SLIT3: variants seen among roughly 807,000 people sequenced by gnomAD.
The protein encoded by SLIT3 is slit guidance ligand 3, also known as slit homolog 3 protein.
In SLIT3, 68 loss-of-function variants were observed where a neutral mutation model predicts 184.0. That is an observed-to-expected ratio of 0.37 (90% CI 0.30 to 0.45). SLIT3 has a LOEUF of 0.45. Ranked by LOEUF, SLIT3 falls within the 20% of genes least tolerant of loss-of-function variation. The pLI is 1.00. For missense variants in SLIT3, 1,707 were observed against 2,026.0 expected (o/e 0.84, Z 3.02); for synonymous variants, 831 against 828.6 (o/e 1.00, Z -0.05).
intron 4 of SLIT3, among the ~76,000 whole-genome samples, chr5:169,142,981 G>T (rs1473310963): frequency 6.6e-6 from 1 of 152,194 alleles, no homozygotes; most frequent in Non-Finnish European, 1.5e-5. Flanking sequence ...TATGTGAAGG[G>T]AGCCCATCTG....
At chr5:168,948,307 C>CG (rs1762551207) in intron 4 of SLIT3, among the ~76,000 whole-genome samples, 1 of 152,092 alleles carries the variant, frequency 6.6e-6, no homozygotes, top group Non-Finnish European at 1.5e-5. Context: ...CCACAGCAAA[C>CG]GGGGGCTGTG....
intron 9 of SLIT3, 119 bp from the exon 10 acceptor site, chr5:168,795,697 G>C: frequency 1.3e-6 from 1 of 792,270 alleles, no homozygotes; most frequent in Non-Finnish European, 2.2e-6. Flanking sequence ...CAGGTGCACG[G>C]TCTGGTTGTG....
intron 23 of SLIT3, among the ~76,000 whole-genome samples, chr5:168,715,851 T>C (rs1384188326): frequency 6.6e-6 from 1 of 151,760 alleles, no homozygotes; most frequent in Non-Finnish European, 1.5e-5. Flanking sequence ...TTTGTATTTT[T>C]ATTAGAAATG....
chr5:168,745,099 T>A (rs1763759090), intron 20 of SLIT3, among the ~76,000 whole-genome samples: 1 of 152,182 alleles, frequency 6.6e-6, no homozygotes, highest in South Asian at 2.1e-4. Flanking sequence ...TTGGAAGAAG[T>A]TGACTCCAAC....
At chr5:169,227,826 T>A (rs1764865217) in intron 3 of SLIT3, among the ~76,000 whole-genome samples, 2 of 152,252 alleles carry the variant, frequency 1.3e-5, no homozygotes, top group African/African-American at 4.8e-5. Context: ...GGCACTTGCC[T>A]AAATCTGCAC....
chr5:168,744,888 ATCAAGGAGTAATT>A (rs1293078402), intron 20 of SLIT3, among the ~76,000 whole-genome samples: 1 of 152,186 alleles, frequency 6.6e-6, no homozygotes, highest in Non-Finnish European at 1.5e-5. Context: ...CAGCCCATGG[ATCAAGGAGTAATT>A]TCAACTTTCA....
chr5:168,669,482 C>A lies in SLIT3; in HGVS notation c.4336+301G>T, dbSNP rs555707482. Among the ~76,000 whole-genome samples, 10 of 152,296 alleles carry A rather than the reference C, an allele frequency of 6.6e-5. No homozygotes were observed. The East Asian group carries it at 1.9e-3, about 29-fold the overall frequency. ...TGTGTAGAATGCAACCCTGAGAGAT[C>A]CCAGCTACGCTCTTTCTGAATTCCC... On this transcript the variant is annotated intron_variant, in intron 35 of 35. Transcript: ENST00000519560.
intron 5 of SLIT3, among the ~76,000 whole-genome samples, chr5:168,879,915 C>T (rs1759885912): frequency 1.3e-5 from 2 of 152,298 alleles, no homozygotes; most frequent in African/African-American, 4.8e-5. Context: ...GCTGTTTCCC[C>T]CAGAACTAGC....
At chr5:169,159,484 G>T (rs1762405119) in intron 4 of SLIT3, among the ~76,000 whole-genome samples, 1 of 150,766 alleles carries the variant, frequency 6.6e-6, no homozygotes, top group African/African-American at 2.4e-5. Flanking sequence ...TTTTTAAAAA[G>T]CATGACCCAG....
chr5:169,010,826 C>T (rs868723503), intron 4 of SLIT3, among the ~76,000 whole-genome samples: 1 of 151,668 alleles, frequency 6.6e-6, no homozygotes, highest in African/African-American at 2.4e-5. Context: ...TTGCTTGAAC[C>T]CAGGAGGCGG....
intron 5 of SLIT3, among the ~76,000 whole-genome samples, chr5:168,881,203 G>A (rs920683868): frequency 4.6e-5 from 7 of 152,188 alleles, no homozygotes; most frequent in Admixed American, 2.6e-4. Context: ...TGGCTTAGAG[G>A]GTGGTCTGAT....
intron 5 of SLIT3, among the ~76,000 whole-genome samples, chr5:168,880,082 G>A: frequency 6.6e-6 from 1 of 152,176 alleles, no homozygotes; most frequent in East Asian, 1.9e-4. Flanking sequence ...TTTGTCCCCA[G>A]GGACTGCTTA....
chr5:168,743,557 A>G (rs1763704776), intron 20 of SLIT3, among the ~76,000 whole-genome samples: 1 of 152,138 alleles, frequency 6.6e-6, no homozygotes, highest in Non-Finnish European at 1.5e-5. Flanking sequence ...GGACCTCCCT[A>G]TTTCCGGAGA....
intron 3 of SLIT3, among the ~76,000 whole-genome samples, chr5:169,216,790 C>T (rs1028977229): frequency 1.3e-5 from 2 of 152,140 alleles, no homozygotes; most frequent in African/African-American, 4.8e-5. Context: ...CTCTCTTTTC[C>T]GGATGTGGGT....
intron 12 of SLIT3, among the ~76,000 whole-genome samples, chr5:168,785,040 C>T (rs929802956): frequency 4.6e-5 from 7 of 151,874 alleles, no homozygotes; most frequent in South Asian, 4.2e-4. Flanking sequence ...TGTATCTCTC[C>T]GAGACTTGGT....
At chr5:169,020,875 C>T (rs1053116493) in intron 4 of SLIT3, among the ~76,000 whole-genome samples, 6 of 152,192 alleles carry the variant, frequency 3.9e-5, no homozygotes, top group Non-Finnish European at 1.5e-5. Context: ...CATCACTGAC[C>T]AGTAGATGCC....
intron 4 of SLIT3, among the ~76,000 whole-genome samples, chr5:169,188,782 A>T (rs1763445711): frequency 6.6e-6 from 1 of 152,138 alleles, no homozygotes. Context: ...TCACAACAAC[A>T]TGGAGAGGTC....
chr5:169,243,134 A>G (rs1034132257), intron 3 of SLIT3, among the ~76,000 whole-genome samples: 1 of 152,200 alleles, frequency 6.6e-6, no homozygotes, highest in Non-Finnish European at 1.5e-5. Flanking sequence ...AAAAATACAA[A>G]TAGCATGTAA....
chr5:169,086,714 G>A (rs1024011064), intron 4 of SLIT3, among the ~76,000 whole-genome samples: 2 of 152,284 alleles, frequency 1.3e-5, no homozygotes, highest in South Asian at 4.1e-4. Context: ...GTTTGGTAAC[G>A]TGGGTCAAGA....
Sources: allele counts gnomAD v4.1 joint callset (sites outside exome capture counted in the v4.1 genomes callset), GRCh38; gene constraint gnomAD v4.1.1; transcripts MANE v1.5; gene names NCBI Gene and HGNC (gene_info 2026-07-23, HGNC 2026-07-21).